Variants in SLC25A20 observed in about 807,000 individuals in gnomAD.
SLC25A20 encodes mitochondrial carnitine/acylcarnitine carrier protein.
SLC25A20 carries 29 observed loss-of-function variants against 39.7 expected under a neutral mutation model. The ratio of observed to expected loss-of-function variants is 0.73; its 90% CI spans 0.54 to 1.00. SLC25A20 has a LOEUF of 1.00. SLC25A20 is among the 50% of genes least tolerant of loss of function. SLC25A20 has a pLI of 0.00. For synonymous variants in SLC25A20, 103 were observed against 142.2 expected, an observed-to-expected ratio of 0.72 and a Z score of 1.96; for missense variants, 333 against 379.9, an observed-to-expected ratio of 0.88 and a Z score of 1.03.
chr3:48,878,315 GT>G (rs2083777428), intron 4 of SLC25A20, among the ~76,000 whole-genome samples: 1 of 145,100 alleles, frequency 6.9e-6, no homozygotes, highest in South Asian at 2.1e-4. Flanking sequence ...TATATAAATT[GT>G]TTTGTACACC....
chr3:48,886,732 G>C (rs2083832029), intron 2 of SLC25A20, among the ~76,000 whole-genome samples: 1 of 152,132 alleles, frequency 6.6e-6, no homozygotes. Flanking sequence ...TATAATCTCA[G>C]GTACGCAGGA....
At chr3:48,894,183 T>TTCTC (rs375593797) in intron 1 of SLC25A20, among the ~76,000 whole-genome samples, 48,486 of 109,930 alleles carry the variant, frequency 0.44, 11,208 homozygotes, top group South Asian at 0.59. Context: ...AAGAAGAAGA[T>TTCTC]TCTCTCTCTC....
chr3:48,882,129 C>T (rs1473140385), intron 3 of SLC25A20, among the ~76,000 whole-genome samples: 2 of 152,188 alleles, frequency 1.3e-5, no homozygotes, highest in Non-Finnish European at 2.9e-5. Flanking sequence ...GCATCCTGCA[C>T]AGCTCAGATT....
chr3:48,894,845 G>A (rs1313512410), intron 1 of SLC25A20, among the ~76,000 whole-genome samples: 1 of 152,140 alleles, frequency 6.6e-6, no homozygotes, highest in African/African-American at 2.4e-5. Flanking sequence ...TTGAGACAGA[G>A]TTTCACTCAT....
intron 3 of SLC25A20, among the ~76,000 whole-genome samples, chr3:48,883,542 ACT>A (rs1173280420): frequency 4.7e-5 from 7 of 147,508 alleles, no homozygotes; most frequent in Non-Finnish European, 9.0e-5. Context: ...AAAGAGCAAA[ACT>A]CTGTCTCAAA....
chr3:48,870,564 T>C (rs529609668), intron 4 of SLC25A20, among the ~76,000 whole-genome samples: 14 of 150,028 alleles, frequency 9.3e-5, no homozygotes, highest in African/African-American at 1.9e-4. Context: ...TTTTCTTTTT[T>C]TTTTTTTTTT....
chr3:48,889,568 T>C (rs956906623), intron 2 of SLC25A20, among the ~76,000 whole-genome samples: 1 of 151,926 alleles, frequency 6.6e-6, no homozygotes, highest in African/African-American at 2.4e-5. Context: ...CAGATGCAGG[T>C]GTACATTTTC....
At chr3:48,867,036 T>A (rs1231285686) in intron 4 of SLC25A20, among the ~76,000 whole-genome samples, 1 of 151,642 alleles carries the variant, frequency 6.6e-6, no homozygotes, top group East Asian at 1.9e-4. Context: ...CTCAGATGAT[T>A]CACCCGCCTC....
At chr3:48,864,096 A>G (rs2106638997) in intron 4 of SLC25A20, among the ~76,000 whole-genome samples, 1 of 152,146 alleles carries the variant, frequency 6.6e-6, no homozygotes, top group African/African-American at 2.4e-5. Flanking sequence ...CTGTAATCCC[A>G]GCACTTTGGG....
At chr3:48,862,452 C>G (rs1356578023) in intron 5 of SLC25A20, 90 bp downstream of exon 5, 7 of 815,990 alleles carry the variant, frequency 8.6e-6, no homozygotes, top group African/African-American at 1.7e-5. Context: ...GGTGCCAAGG[C>G]TAATCTGGCA....
chr3:48,890,813 T>A (rs2083867739), intron 2 of SLC25A20, among the ~76,000 whole-genome samples: 1 of 148,524 alleles, frequency 6.7e-6, no homozygotes, highest in Admixed American at 6.7e-5. Flanking sequence ...CGCCACGACG[T>A]CCGGCTAATT....
chr3:48,890,508 A>C (rs2083864829), intron 2 of SLC25A20, among the ~76,000 whole-genome samples: 1 of 151,670 alleles, frequency 6.6e-6, no homozygotes, highest in Non-Finnish European at 1.5e-5. Flanking sequence ...TTATAAGTGC[A>C]TAGAGGAAAA....
intron 4 of SLC25A20, among the ~76,000 whole-genome samples, chr3:48,869,696 C>T (rs1043506964): frequency 1.3e-5 from 2 of 151,856 alleles, no homozygotes; most frequent in Non-Finnish European, 2.9e-5. Context: ...ACCTGTAGTC[C>T]CAGCTAATAG....
Position 48,898,855 on chromosome 3 carries a change from G to C in SLC25A20, c.-61C>G. 1.3e-6 allele frequency: 2 copies of C among 1,491,148 alleles called. No individual in the cohort carries two copies. The allele number at this position is 1,491,148 out of a possible 1,614,324, so 92.4% of individuals were successfully genotyped here. On this transcript the variant is annotated 5_prime_UTR_variant, in exon 1 of 9. Transcript: ENST00000319017. ...GGGCCGTCCTGGCTTCTCAGCCCCA[G>C]CTGCAGTGCCGGCGCCGCCGACCTT...
At chr3:48,887,119 A>G (rs2083835284) in intron 2 of SLC25A20, among the ~76,000 whole-genome samples, 1 of 152,212 alleles carries the variant, frequency 6.6e-6, no homozygotes, top group Admixed American at 6.5e-5. Context: ...AGGATCTGCA[A>G]AAGTAGCATA....
intron 7 of SLC25A20, 115 bp downstream of exon 7, chr3:48,858,977 C>A: frequency 1.2e-6 from 1 of 816,188 alleles, no homozygotes; most frequent in South Asian, 1.5e-5. Context: ...CAGGCAGATG[C>A]TAGGTGCTGC....
At position 48,857,507 on chromosome 3, in the gene SLC25A20, G is replaced by A; in HGVS notation, c.*203C>T. 1.7e-6 allele frequency: 1 copy of A among 599,274 alleles called. No homozygotes were observed. The highest frequency in any genetic ancestry group is 3.0e-6 in the Non-Finnish European group (1 of 328,086). The allele number at this position is 599,274 out of a possible 1,614,324, so 37.1% of individuals were successfully genotyped here. ...TAAGATCCCTTAAATTGATAAGAAT[G>A]AATTCAAGTTTCAAAATGACACACT... On this transcript the variant is annotated 3_prime_UTR_variant, in exon 9 of 9. Coordinates refer to ENST00000319017, the MANE Select transcript of SLC25A20 (RefSeq NM_000387.6).
chr3:48,883,973 T>G, intron 3 of SLC25A20, 24 bp downstream of exon 3: 1 of 1,612,110 alleles, frequency 6.2e-7, no homozygotes, highest in Non-Finnish European at 8.5e-7. Flanking sequence ...GAACAGCAAG[T>G]GCTCCTGACC....
chr3:48,893,418 C>T (rs1193290253), intron 1 of SLC25A20, among the ~76,000 whole-genome samples: 1 of 152,028 alleles, frequency 6.6e-6, no homozygotes, highest in East Asian at 1.9e-4. Flanking sequence ...CATCTGTAAT[C>T]CCAGAACTTT....
Sources: allele counts gnomAD v4.1 joint callset (sites outside exome capture counted in the v4.1 genomes callset), GRCh38; gene constraint gnomAD v4.1.1; transcripts MANE v1.5; gene names NCBI Gene and HGNC (gene_info 2026-07-23, HGNC 2026-07-21).